ZNF560: variants seen among roughly 807,000 people sequenced by gnomAD.
ZNF560 encodes zinc finger protein 560.
A neutral mutation model predicts 81.8 loss-of-function variants in ZNF560; 54 were observed. The ratio of observed to expected loss-of-function variants is 0.66; its 90% CI spans 0.53 to 0.83. ZNF560 has a LOEUF of 0.83. Ranked by LOEUF, ZNF560 falls within the 40% of genes least tolerant of loss-of-function variation. ZNF560 has a pLI of 0.00. For synonymous variants in ZNF560, 321 were observed against 317.9 expected (o/e 1.01, Z -0.10); for missense variants, 940 against 932.4 (o/e 1.01, Z -0.11).
At chr19:9,475,176 GTCTT>G (rs2073181248) in intron 3 of ZNF560, 104 bp downstream of exon 3, 2 of 1,170,518 alleles carry the variant, frequency 1.7e-6, no homozygotes, top group Admixed American at 3.9e-5. Context: ...GCTTGAGTGA[GTCTT>G]TATTTACTTA....
the ZNF560 span, among the ~76,000 whole-genome samples, chr19:9,457,515 C>T: frequency 2.5e-4 from 38 of 152,338 alleles, no homozygotes; most frequent in Non-Finnish European, 1.0e-4. Flanking sequence ...AAGATTTTCA[C>T]AGTGTTACAT....
At chr19:9,506,239 T>C in the ZNF560 span, among the ~76,000 whole-genome samples, 1 of 152,104 alleles carries the variant, frequency 6.6e-6, no homozygotes, top group Non-Finnish European at 1.5e-5. Flanking sequence ...GTGATCTGCC[T>C]GCCTCAGCCT....
chr19:9,466,968 G>A lies in ZNF560; in HGVS notation c.1979C>T (p.Ala660Val). 1 of 1,613,622 alleles carries A rather than the reference G, an allele frequency of 6.2e-7. No homozygotes were observed. Residue 660 changes from alanine to valine, a missense_variant, in exon 10 of 10, where the codon GCA becomes GTA. Ala to Val is a moderately conservative substitution (Grantham distance 64). Coordinates refer to ENST00000301480, the MANE Select transcript of ZNF560 (RefSeq NM_152476.3). ...HTGYKPYKCNACEKAYSRSCV... is the reference protein window; with the variant it reads ...HTGYKPYKCNVCEKAYSRSCV... ...AGACCTACTGTAAGCTTTTTCACAT[G>A]CATTACATTTATAGGGTTTATATCC...
Position 9,466,620 on chromosome 19 carries a change from G to A in ZNF560, c.2327C>T (p.Ala776Val), listed in dbSNP as rs1334627460. The stretch of plus-strand genomic sequence containing the variant: ...AATACGAGCTGAGAAAGAAGCAAAG[G>A]CTTTCCCACACTGGTCACATTCAAA... ...KPFECDQCGKAFASFSARIAH... is the reference protein window; with the variant it reads ...KPFECDQCGKVFASFSARIAH... The change falls in exon 10 of 10, where the codon GCC becomes GTC. Residue 776 changes from alanine to valine, a missense_variant. Coordinates refer to ENST00000301480, the MANE Select transcript of ZNF560 (RefSeq NM_152476.3). 1 of 1,610,508 alleles carries A rather than the reference G, an allele frequency of 6.2e-7. No homozygotes were observed. The highest frequency in any genetic ancestry group is 8.5e-7 in the Non-Finnish European group (1 of 1,177,658).
chr19:9,457,720 T>C, the ZNF560 span, among the ~76,000 whole-genome samples: 1 of 152,174 alleles, frequency 6.6e-6, no homozygotes, highest in African/African-American at 2.4e-5. Flanking sequence ...AAAGTAGCCA[T>C]ATGTAGGATC....
the ZNF560 span, among the ~76,000 whole-genome samples, chr19:9,455,781 G>A: frequency 5.1e-4 from 78 of 152,214 alleles, no homozygotes; most frequent in South Asian, 1.5e-3. Flanking sequence ...TTATATCAAG[G>A]CCTGTGACAG....
At chr19:9,486,244 G>A (rs2073382866) in intron 2 of ZNF560, among the ~76,000 whole-genome samples, 1 of 152,122 alleles carries the variant, frequency 6.6e-6, no homozygotes. Context: ...GGTGCATTAT[G>A]GGGACTAGCA....
chr19:9,448,226 G>T, the ZNF560 span, among the ~76,000 whole-genome samples: 1 of 147,526 alleles, frequency 6.8e-6, no homozygotes, highest in Non-Finnish European at 1.5e-5. Context: ...GTGTGCGTGT[G>T]GCGGGGGGTT....
At chr19:9,492,399 G>C (rs1245230212) in intron 2 of ZNF560, among the ~76,000 whole-genome samples, 1 of 152,188 alleles carries the variant, frequency 6.6e-6, no homozygotes, top group African/African-American at 2.4e-5. Flanking sequence ...ATCCATATAG[G>C]ATTTGTATAG....
chr19:9,469,150 A>G lies in ZNF560; in HGVS notation c.567T>C (p.Leu189=), dbSNP rs2073083378. The change falls in exon 9 of 10, where the codon CTT becomes CTC. Residue 189 remains leucine (L), a synonymous_variant. Transcript: ENST00000301480. ...TTTTTAAACAAAAATTATCTTGCCA[A>G]AGGGCTGGCCCTTTGGTTTTCAGGC... is the stretch of plus-strand genomic sequence containing the variant. ...KMCLKTKGPA[L]WQDNFCLKTL... is the part of the protein sequence containing the mutation. 6.2e-7 allele frequency: 1 copy of G among 1,600,080 alleles called. No individual in the cohort carries two copies. The highest frequency in any genetic ancestry group is 8.5e-7 in the Non-Finnish European group (1 of 1,174,766).
chr19:9,470,427 A>G lies in ZNF560; in HGVS notation c.413T>C (p.Val138Ala). Reference sequence around the variant, plus strand: ...CAGGTTCTTGTAGTTCTCCAGCATCACATCACTGTACAGGTTTCTCTGAGC... The same window carrying G: ...CAGGTTCTTGTAGTTCTCCAGCATCGCATCACTGTACAGGTTTCTCTGAGC... Reference protein sequence around the residue: ...DPAQRNLYSDVMLENYKNLSS... With the variant: ...DPAQRNLYSDAMLENYKNLSS... The change falls in exon 7 of 10, where the codon GTG (valine) becomes GCG (alanine). Residue 138 changes from valine to alanine, a missense_variant. Val to Ala is a moderately conservative substitution (Grantham distance 64). Coordinates refer to ENST00000301480, the MANE Select transcript of ZNF560 (RefSeq NM_152476.3). The G allele has an allele frequency of 1.9e-6, 3 of 1,613,822 alleles. No homozygotes were observed. The highest frequency in any genetic ancestry group is 2.5e-6 in the Non-Finnish European group (3 of 1,179,854).
chr19:9,452,378 T>G, the ZNF560 span, among the ~76,000 whole-genome samples: 1 of 152,150 alleles, frequency 6.6e-6, no homozygotes. Context: ...GCTACCACTC[T>G]AACCAGCAAT....
chr19:9,472,064 C>G (rs1225020183), intron 5 of ZNF560, among the ~76,000 whole-genome samples: 2 of 150,828 alleles, frequency 1.3e-5, no homozygotes, highest in African/African-American at 4.9e-5. Flanking sequence ...GAGCCAAGAT[C>G]GTGCCACTGC....
chr19:9,499,807 C>G (rs891224757), upstream of ZNF560, among the ~76,000 whole-genome samples: 2 of 152,164 alleles, frequency 1.3e-5, no homozygotes, highest in African/African-American at 4.8e-5. Context: ...TATTTTACCT[C>G]TTGGGGTAAA....
downstream of ZNF560, among the ~76,000 whole-genome samples, chr19:9,461,726 A>G (rs1311118386): frequency 2.0e-5 from 3 of 152,226 alleles, no homozygotes; most frequent in Admixed American, 6.5e-5. Flanking sequence ...CGACTGGAAT[A>G]CTTCTGACTT....
At chr19:9,472,593 C>T (rs6512164) in intron 5 of ZNF560, among the ~76,000 whole-genome samples, 68,241 of 151,976 alleles carry the variant, frequency 0.45, 16,539 homozygotes, top group Non-Finnish European at 0.55. Context: ...TCTCCCATCA[C>T]CCCCAGATCC....
downstream of ZNF560, among the ~76,000 whole-genome samples, chr19:9,463,843 A>G (rs1468338824): frequency 6.6e-6 from 1 of 152,156 alleles, no homozygotes; most frequent in African/African-American, 2.4e-5. Context: ...CCATCACACC[A>G]GGCTAATCTT....
chr19:9,483,876 G>T (rs1468988618), intron 2 of ZNF560, among the ~76,000 whole-genome samples: 1 of 150,700 alleles, frequency 6.6e-6, no homozygotes, highest in Non-Finnish European at 1.5e-5. Flanking sequence ...GGGAAAGATA[G>T]AGAAATCAGA....
chr19:9,453,032 T>C, the ZNF560 span, among the ~76,000 whole-genome samples: 5 of 152,330 alleles, frequency 3.3e-5, no homozygotes, highest in African/African-American at 1.2e-4. Flanking sequence ...TCCCAACTCC[T>C]AAGGTGTTTA....
Sources: allele counts gnomAD v4.1 joint callset (sites outside exome capture counted in the v4.1 genomes callset), GRCh38; gene constraint gnomAD v4.1.1; transcripts MANE v1.5; gene names NCBI Gene and HGNC (gene_info 2026-07-23, HGNC 2026-07-21).